Variants in ARRDC5 observed in about 807,000 individuals in gnomAD.
ARRDC5 encodes arrestin domain containing 5, also known as arrestin domain-containing protein 5.
ARRDC5 carries 12 observed loss-of-function variants against 13.3 expected under a neutral mutation model. The ratio of observed to expected loss-of-function variants is 0.90; its 90% CI spans 0.58 to 1.46. ARRDC5 has a LOEUF of 1.46. Among genes scored for constraint, ARRDC5 ranks in the 40% most tolerant of loss-of-function variants. The pLI is 0.00. For missense variants in ARRDC5, 406 were observed against 418.7 expected, an observed-to-expected ratio of 0.97 and a Z score of 0.26; for synonymous variants, 181 against 173.4, an observed-to-expected ratio of 1.04 and a Z score of -0.34.
chr19:4,894,595 A>G (rs1468197740), intron 2 of ARRDC5, among the ~76,000 whole-genome samples: 3 of 148,060 alleles, frequency 2.0e-5, no homozygotes, highest in Non-Finnish European at 4.5e-5. Context: ...GAGGCAGGAG[A>G]ATGGCATGAA....
chr19:4,893,816 G>A (rs1254059307), intron 2 of ARRDC5, among the ~76,000 whole-genome samples: 2 of 151,110 alleles, frequency 1.3e-5, no homozygotes, highest in African/African-American at 4.9e-5. Context: ...GCCGAGGTGG[G>A]TGGATCACGA....
chr19:4,896,439 A>G (rs945459544), intron 2 of ARRDC5, among the ~76,000 whole-genome samples: 3 of 143,098 alleles, frequency 2.1e-5, no homozygotes, highest in South Asian at 4.5e-4. Context: ...ACAGGGTCTC[A>G]CTCTGTCGCC....
At chr19:4,903,039 T>TTTTTTC, upstream of ARRDC5, 1 of 286,602 alleles carries the variant, frequency 3.5e-6, no homozygotes, top group Non-Finnish European at 6.1e-6. Flanking sequence ...CTTTTTTTTT[T>TTTTTTC]TTTTTGAGAT....
chr19:4,891,135 T>C lies in ARRDC5; in HGVS notation c.898A>G (p.Ile300Val). 6.2e-7 allele frequency: 1 copy of C among 1,613,914 alleles called. No individual in the cohort carries two copies. The highest frequency in any genetic ancestry group is 1.1e-5 in the South Asian group (1 of 91,074). ...SLTSLKAKVP[I>V]IITSASVDSA... ...TCCACTGAGGCGCTGGTGATGATGA[T>C]GGGAACTTTGGCCTTGAGGCTGGTC... The change falls in exon 3 of 3, where the codon ATC becomes GTC. Residue 300 changes from isoleucine (I) to valine (V), a missense_variant. Coordinates refer to ENST00000650722, the MANE Select transcript of ARRDC5 (RefSeq NM_001080523.3).
chr19:4,901,697 T>G (rs1264093758), intron 1 of ARRDC5, among the ~76,000 whole-genome samples: 1 of 152,138 alleles, frequency 6.6e-6, no homozygotes, highest in Non-Finnish European at 1.5e-5. Context: ...TTCAGCCAAG[T>G]GTTGGCCACG....
chr19:4,895,422 C>CAAAAAAAAAAAAAAAAAA (rs1039157516), intron 2 of ARRDC5, among the ~76,000 whole-genome samples: 1 of 70,710 alleles, frequency 1.4e-5, no homozygotes, highest in Non-Finnish European at 2.8e-5. Flanking sequence ...GACTCCGTCT[C>CAAAAAAAAAAAAAAAAAA]AAAAAAAAAA....
At chr19:4,891,879 C>T (rs1187525128) in intron 2 of ARRDC5, among the ~76,000 whole-genome samples, 2 of 147,320 alleles carry the variant, frequency 1.4e-5, no homozygotes, top group Non-Finnish European at 3.0e-5. Flanking sequence ...CTCTTGAACC[C>T]GGGAGGTGGA....
intron 1 of ARRDC5, among the ~76,000 whole-genome samples, chr19:4,900,913 G>T (rs2031891026): frequency 6.6e-6 from 1 of 152,072 alleles, no homozygotes; most frequent in South Asian, 2.1e-4. Context: ...CAGCTACTCG[G>T]GAGGCTGAGG....
At chr19:4,898,547 A>G (rs1195066870) in intron 1 of ARRDC5, among the ~76,000 whole-genome samples, 1 of 151,990 alleles carries the variant, frequency 6.6e-6, no homozygotes, top group Non-Finnish European at 1.5e-5. Context: ...TTTTTAGTAG[A>G]GATGGGGTTT....
At chr19:4,893,751 C>G (rs945939247) in intron 2 of ARRDC5, among the ~76,000 whole-genome samples, 7 of 118,670 alleles carry the variant, frequency 5.9e-5, no homozygotes, top group African/African-American at 2.1e-4. Context: ...AAAAAAAAAC[C>G]AAAAAGGAAG....
the ARRDC5 span, chr19:4,909,816 C>T: frequency 4.7e-6 from 2 of 427,784 alleles, no homozygotes; most frequent in Admixed American, 4.5e-5. Flanking sequence ...GGGAATCGTT[C>T]CCCGGCACAC....
chr19:4,894,315 T>A (rs1311607678), intron 2 of ARRDC5, among the ~76,000 whole-genome samples: 2 of 150,416 alleles, frequency 1.3e-5, no homozygotes, highest in Admixed American at 6.7e-5. Flanking sequence ...ATCGAGACCA[T>A]CCCGGCTAAA....
the ARRDC5 span, among the ~76,000 whole-genome samples, chr19:4,911,544 A>G: frequency 6.6e-6 from 1 of 152,150 alleles, no homozygotes; most frequent in African/African-American, 2.4e-5. Context: ...GCGCTTGCTA[A>G]TCAGGAATTT....
At chr19:4,900,709 A>G (rs1303873263) in intron 1 of ARRDC5, among the ~76,000 whole-genome samples, 1 of 152,110 alleles carries the variant, frequency 6.6e-6, no homozygotes, top group Non-Finnish European at 1.5e-5. Context: ...GGAACAGACC[A>G]TCTCATCTAA....
the ARRDC5 span, among the ~76,000 whole-genome samples, chr19:4,913,829 TGGA>T: frequency 8.7e-5 from 6 of 68,714 alleles, no homozygotes; most frequent in African/African-American, 4.2e-4. Context: ...TTTTTTTTTT[TGGA>T]GACAGTTTCG....
chr19:4,894,542 G>T, intron 2 of ARRDC5, among the ~76,000 whole-genome samples: 1 of 131,550 alleles, frequency 7.6e-6, no homozygotes. Flanking sequence ...AAATTAGCCG[G>T]GCATGGTGGT....
chr19:4,916,279 C>T, the ARRDC5 span, among the ~76,000 whole-genome samples: 2 of 151,002 alleles, frequency 1.3e-5, no homozygotes, highest in African/African-American at 4.9e-5. Context: ...GCATTCCAGC[C>T]TGGGAGACAG....
intron 1 of ARRDC5, among the ~76,000 whole-genome samples, chr19:4,899,793 G>A (rs548004404): frequency 0.021 from 2,577 of 120,040 alleles, 35 homozygotes; most frequent in South Asian, 0.066. Context: ...AAAAAAATTA[G>A]CCAGGCGTGG....
chr19:4,905,236 C>T (rs1415663737), upstream of ARRDC5, among the ~76,000 whole-genome samples: 2 of 150,336 alleles, frequency 1.3e-5, no homozygotes, highest in African/African-American at 2.4e-5. Context: ...CCTGCCTCAG[C>T]CTCCCGAGTA....
Sources: allele counts gnomAD v4.1 joint callset (sites outside exome capture counted in the v4.1 genomes callset), GRCh38; gene constraint gnomAD v4.1.1; transcripts MANE v1.5; gene names NCBI Gene and HGNC (gene_info 2026-07-23, HGNC 2026-07-21).